PSMB2: variants seen among roughly 807,000 people sequenced by gnomAD.
PSMB2 encodes the protein proteasome 20S subunit beta 2.
A neutral mutation model predicts 25.7 loss-of-function variants in PSMB2; 13 were observed. The observed-to-expected ratio is 0.51, with a 90% CI of 0.33 to 0.80. The LOEUF (loss-of-function observed/expected upper bound fraction) is 0.80, where lower values mean the gene tolerates loss of function less well. PSMB2 is among the 30% of genes least tolerant of loss of function. The probability of loss-of-function intolerance (pLI) is 0.02; values close to 1 mark genes in which losing one functional copy is unlikely to be tolerated. For synonymous variants in PSMB2, 87 were observed against 96.2 expected, an observed-to-expected ratio of 0.90 and a Z score of 0.56; for missense variants, 202 against 259.0, an observed-to-expected ratio of 0.78 and a Z score of 1.51.
intron 3 of PSMB2, among the ~76,000 whole-genome samples, chr1:35,619,766 G>T (rs1164928061): frequency 1.3e-5 from 2 of 152,148 alleles, no homozygotes; most frequent in African/African-American, 4.8e-5. Context: ...TAGAAGTTTA[G>T]AAATTTAATG....
chr1:35,613,375 G>A (rs61776882), intron 3 of PSMB2, among the ~76,000 whole-genome samples: 1 of 149,576 alleles, frequency 6.7e-6, no homozygotes, highest in East Asian at 1.9e-4. Context: ...CTGTCTCTAT[G>A]GGAAAAAAAA....
chr1:35,603,414 ACTAAGTT>A (rs1343837143), intron 5 of PSMB2, 40 bp from the exon 6 acceptor site: 3 of 1,608,436 alleles, frequency 1.9e-6, no homozygotes, highest in East Asian at 2.2e-5. Context: ...ACAAATGATT[ACTAAGTT>A]CTATGTGCCA....
intron 2 of PSMB2, among the ~76,000 whole-genome samples, chr1:35,635,507 C>G (rs1386539028): frequency 6.6e-6 from 1 of 151,816 alleles, no homozygotes; most frequent in Non-Finnish European, 1.5e-5. Flanking sequence ...TCTTTAGGGT[C>G]TAGACAACTT....
intron 3 of PSMB2, among the ~76,000 whole-genome samples, chr1:35,622,034 T>C (rs574514544): frequency 1.3e-5 from 2 of 152,186 alleles, no homozygotes; most frequent in South Asian, 4.2e-4. Flanking sequence ...ATACATGGTA[T>C]AGCGAATGAA....
chr1:35,603,573 G>A (rs959179750), intron 5 of PSMB2, among the ~76,000 whole-genome samples, 199 bp from the exon 6 acceptor site: 9 of 152,160 alleles, frequency 5.9e-5, no homozygotes, highest in African/African-American at 2.2e-4. Flanking sequence ...AGGATGACTG[G>A]GAGGCAGGGA....
rs1416782417 is a variant in PSMB2, at chr1:35,605,246, T to C, written c.485A>G (p.Lys162Arg). ...SRERAVELLRKCLEELQKRFI... is the reference protein window; with the variant it reads ...SRERAVELLRRCLEELQKRFI... ...GGAACTACTCACCTCCTCCAGACAT[T>C]TCCTAAGGAGTTCCACTGCCCTCTC... is the stretch of plus-strand genomic sequence containing the variant. The change falls in exon 5 of 6, where the codon AAA becomes AGA. Residue 162 changes from lysine to arginine, a missense_variant. By Grantham distance (26) the Lys-to-Arg change is conservative. Coordinates refer to ENST00000373237, the MANE Select transcript of PSMB2 (RefSeq NM_002794.5). 6.2e-7 allele frequency: 1 copy of C among 1,612,818 alleles called. No homozygotes were observed. Among genetic ancestry groups the C allele is most frequent in the Non-Finnish European group, 8.5e-7 (1 of 1,179,476 alleles).
At chr1:35,605,018 A>T (rs1219453886) in intron 5 of PSMB2, among the ~76,000 whole-genome samples, 1 of 152,218 alleles carries the variant, frequency 6.6e-6, no homozygotes, top group Non-Finnish European at 1.5e-5. Flanking sequence ...GAAAGAATTA[A>T]ATTATAAAAC....
intron 3 of PSMB2, among the ~76,000 whole-genome samples, chr1:35,613,020 C>T (rs139891183): frequency 4.7e-4 from 71 of 152,356 alleles, no homozygotes; most frequent in African/African-American, 1.6e-3. Flanking sequence ...TTTACTCATG[C>T]TTAGGCATCT....
rs879277935 is a variant in PSMB2, at chr1:35,600,271, T to A, written c.*2996A>T. 1.0e-6 allele frequency: 1 copy of A among 983,010 alleles called. No individual in the cohort carries two copies. The highest frequency in any genetic ancestry group is 6.1e-5 in the Admixed American group (1 of 16,270). The allele number at this position is 983,010 out of a possible 1,614,324, so 60.9% of individuals were successfully genotyped here. On this transcript the variant is annotated 3_prime_UTR_variant, in exon 6 of 6. Coordinates refer to ENST00000373237, the MANE Select transcript of PSMB2 (RefSeq NM_002794.5). ...AAATGATGCCCAGCTAAATGCAATGTTGTATCTTGGATTATATCCTAGAAC... is the reference window on the plus strand; with the variant it reads ...AAATGATGCCCAGCTAAATGCAATGATGTATCTTGGATTATATCCTAGAAC...
chr1:35,638,769 T>A (rs961540057), intron 1 of PSMB2, among the ~76,000 whole-genome samples: 1 of 152,156 alleles, frequency 6.6e-6, no homozygotes, highest in African/African-American at 2.4e-5. Flanking sequence ...TACCACTTAA[T>A]AAGGTGGCAA....
intron 5 of PSMB2, among the ~76,000 whole-genome samples, 192 bp downstream of exon 5, chr1:35,605,041 G>A (rs16866311): frequency 0.015 from 2,272 of 152,296 alleles, 60 homozygotes; most frequent in African/African-American, 0.051. Context: ...ACATTGAGGA[G>A]GTAATCTGTG....
rs189146013 is a variant in PSMB2, at chr1:35,601,037, C to T, written c.*2230G>A. The stretch of plus-strand genomic sequence containing the variant: ...AGTAGCAGCACTCCACTGGGTAGGG[C>T]GTCAGAATCATCTGTGGCGCTTTTT... On this transcript the variant is annotated 3_prime_UTR_variant, in exon 6 of 6. Transcript: ENST00000373237. 4.2e-5 allele frequency: 14 copies of T among 332,930 alleles called. No individual in the cohort carries two copies. The highest frequency in any genetic ancestry group is 1.9e-4 in the East Asian group (1 of 5,316). The allele number at this position is 332,930 out of a possible 1,614,324, so 20.6% of individuals were successfully genotyped here.
At position 35,639,019 on chromosome 1, in the gene PSMB2, G is replaced by A. The variant is rs370852913; in HGVS notation, c.91+2323C>T. ...CTGTAATCCCAGCACTTTGGGAGGC[G>A]GAGGCAGGTGGATCACCTGAGGTCA... On this transcript the variant is annotated intron_variant, in intron 1 of 5. Coordinates refer to ENST00000373237, the MANE Select transcript of PSMB2 (RefSeq NM_002794.5). 2.3e-4 allele frequency among the ~76,000 whole-genome samples: 35 copies of A among 151,508 alleles called. 1 individual carries two copies. The highest frequency in any genetic ancestry group is 1.2e-3 in the East Asian group (6 of 4,842).
chr1:35,638,790 A>G (rs1305200530), intron 1 of PSMB2, among the ~76,000 whole-genome samples: 1 of 152,214 alleles, frequency 6.6e-6, no homozygotes, highest in Non-Finnish European at 1.5e-5. Context: ...TCCTCAGCAA[A>G]TGTCTACTCT....
rs1431598562 is a variant in PSMB2, at chr1:35,603,311, T to C, written c.562A>G (p.Ile188Val). 17 of 1,614,146 alleles carry C rather than the reference T, an allele frequency of 1.1e-5. No individual in the cohort carries two copies. Among genetic ancestry groups the C allele is most frequent in the Non-Finnish European group, 1.4e-5 (17 of 1,180,000 alleles). ...AAGGAAATGTTATCCAGGTCATGGATGCCATTTTTGTCAATGATTCGAACA... is the reference window on the plus strand; with the variant it reads ...AAGGAAATGTTATCCAGGTCATGGACGCCATTTTTGTCAATGATTCGAACA... The part of the protein sequence containing the change: ...FSVRIIDKNG[I>V]HDLDNISFPK... Residue 188 changes from isoleucine (I) to valine (V), a missense_variant, in exon 6 of 6, where the codon ATC (isoleucine) becomes GTC (valine). By Grantham distance (29) the Ile-to-Val change is conservative. Transcript: ENST00000373237.
At chr1:35,606,552 T>C (rs1359074459) in intron 4 of PSMB2, among the ~76,000 whole-genome samples, 3 of 152,250 alleles carry the variant, frequency 2.0e-5, no homozygotes, top group Admixed American at 6.5e-5. Flanking sequence ...CTGAAGAGGA[T>C]ACAAGCGAAT....
Position 35,601,425 on chromosome 1 carries a change from A to G in PSMB2, c.*1842T>C, listed in dbSNP as rs1457247880. On this transcript the variant is annotated 3_prime_UTR_variant, in exon 6 of 6. Transcript: ENST00000373237. ...CCTTACACTCAGGAATCTAGCTAAA[A>G]GCTCAAACCTATGCATATTCATGGT... 2.0e-6 allele frequency: 2 copies of G among 985,240 alleles called. No homozygotes were observed. The highest frequency in any genetic ancestry group is 2.4e-6 in the Non-Finnish European group (2 of 829,934). The allele number at this position is 985,240 out of a possible 1,614,324, so 61.0% of individuals were successfully genotyped here. A position where few individuals can be genotyped will look rare whatever the true frequency, so the allele number is the denominator to read the frequency against.
At chr1:35,612,991 A>G (rs1650384369) in intron 3 of PSMB2, among the ~76,000 whole-genome samples, 1 of 152,224 alleles carries the variant, frequency 6.6e-6, no homozygotes. Flanking sequence ...CCATCACTTA[A>G]TTGGTCTATA....
chr1:35,613,905 G>A (rs1650412249), intron 3 of PSMB2, among the ~76,000 whole-genome samples: 2 of 152,224 alleles, frequency 1.3e-5, no homozygotes, highest in African/African-American at 4.8e-5. Flanking sequence ...TGGATAATAA[G>A]TGTAATGCCC....
Sources: allele counts gnomAD v4.1 joint callset (sites outside exome capture counted in the v4.1 genomes callset), GRCh38; gene constraint gnomAD v4.1.1; transcripts MANE v1.5; gene names NCBI Gene and HGNC (gene_info 2026-07-23, HGNC 2026-07-21).